MARCHF1: variants seen among roughly 807,000 people sequenced by gnomAD.
The protein encoded by MARCHF1 is membrane associated ring-CH-type finger 1, also known as E3 ubiquitin-protein ligase MARCHF1.
A neutral mutation model predicts 54.2 loss-of-function variants in MARCHF1; 40 were observed. The ratio of observed to expected loss-of-function variants is 0.74; its 90% CI spans 0.57 to 0.96. The LOEUF is 0.96. Among genes scored for constraint, MARCHF1 ranks in the 40% least tolerant of loss-of-function variants. The pLI, the probability that MARCHF1 is intolerant of heterozygous loss-of-function variation, is 0.00. For missense variants in MARCHF1, 586 were observed against 656.5 expected (o/e 0.89, Z 1.17); for synonymous variants, 236 against 236.3 (o/e 1.00, Z 0.01).
At chr4:164,107,611 C>T (rs1280767163) in intron 2 of MARCHF1, among the ~76,000 whole-genome samples, 1 of 152,116 alleles carries the variant, frequency 6.6e-6, no homozygotes, top group Non-Finnish European at 1.5e-5. Flanking sequence ...AATCCACCCA[C>T]TTCTGCCCCT....
At chr4:163,681,125 G>T (rs761992581) in intron 5 of MARCHF1, among the ~76,000 whole-genome samples, 1 of 151,866 alleles carries the variant, frequency 6.6e-6, no homozygotes, top group East Asian at 1.9e-4. Context: ...GAACAGCATC[G>T]GTAAACAGTA....
chr4:164,329,975 C>T (rs1735388567), intron 1 of MARCHF1: 1 of 152,264 alleles, frequency 6.6e-6, no homozygotes, highest in African/African-American at 2.4e-5. Context: ...ACAGGGATGT[C>T]TCATTTTGCT....
At chr4:163,871,278 T>C (rs1560797125) in intron 3 of MARCHF1, among the ~76,000 whole-genome samples, 1 of 152,176 alleles carries the variant, frequency 6.6e-6, no homozygotes, top group African/African-American at 2.4e-5. Context: ...CAATCATATC[T>C]GAAGAGTCAG....
chr4:164,257,560 T>C (rs1367342139), intron 1 of MARCHF1, among the ~76,000 whole-genome samples: 1 of 151,772 alleles, frequency 6.6e-6, no homozygotes, highest in Admixed American at 6.6e-5. Flanking sequence ...TGAAAAACCA[T>C]GGGATAGTGA....
intron 2 of MARCHF1, among the ~76,000 whole-genome samples, chr4:164,013,842 T>C (rs555395543): frequency 6.6e-6 from 1 of 152,194 alleles, no homozygotes; most frequent in East Asian, 1.9e-4. Context: ...GCTGAGGAAT[T>C]TCTCAACACC....
chr4:164,229,835 C>G (rs972361044), intron 1 of MARCHF1, among the ~76,000 whole-genome samples: 1 of 152,130 alleles, frequency 6.6e-6, no homozygotes, highest in Non-Finnish European at 1.5e-5. Context: ...TGAGAACTCA[C>G]TCACTCTTGG....
At chr4:163,684,410 C>G (rs1356019869) in intron 5 of MARCHF1, among the ~76,000 whole-genome samples, 1 of 152,206 alleles carries the variant, frequency 6.6e-6, no homozygotes, top group African/African-American at 2.4e-5. Flanking sequence ...ACAAACAAAA[C>G]TGCTACAGAA....
intron 2 of MARCHF1, among the ~76,000 whole-genome samples, chr4:164,105,908 C>G (rs1244106825): frequency 7.4e-5 from 11 of 147,846 alleles, no homozygotes; most frequent in African/African-American, 2.8e-4. Context: ...TGAACTCAAA[C>G]AAATTTACAA....
At chr4:163,969,059 G>C (rs1312249859) in intron 3 of MARCHF1, among the ~76,000 whole-genome samples, 1 of 152,122 alleles carries the variant, frequency 6.6e-6, no homozygotes, top group Non-Finnish European at 1.5e-5. Context: ...TTTTTCAGCA[G>C]ATACACAGTA....
chr4:163,721,329 G>A (rs1463996623), intron 4 of MARCHF1, among the ~76,000 whole-genome samples: 7 of 152,050 alleles, frequency 4.6e-5, no homozygotes, highest in South Asian at 4.1e-4. Context: ...GCTGGATTAC[G>A]TTTATTGATT....
chr4:164,216,994 A>T (rs1020518493), intron 1 of MARCHF1, among the ~76,000 whole-genome samples: 1 of 152,232 alleles, frequency 6.6e-6, no homozygotes, highest in East Asian at 1.9e-4. Flanking sequence ...ATAGCATGAA[A>T]ACAAATATAG....
intron 1 of MARCHF1, among the ~76,000 whole-genome samples, chr4:164,216,876 T>C (rs940350060): frequency 2.6e-5 from 4 of 152,204 alleles, no homozygotes; most frequent in Admixed American, 2.0e-4. Flanking sequence ...CAATATGTAC[T>C]ATAACCCAAG....
chr4:163,965,354 C>T (rs541063937), intron 3 of MARCHF1, among the ~76,000 whole-genome samples: 1 of 151,002 alleles, frequency 6.6e-6, no homozygotes, highest in South Asian at 2.1e-4. Context: ...TAAATCAATT[C>T]ATTGAATCCT....
chr4:163,939,871 T>C (rs1266633969), intron 3 of MARCHF1, among the ~76,000 whole-genome samples: 1 of 152,184 alleles, frequency 6.6e-6, no homozygotes, highest in Admixed American at 6.5e-5. Flanking sequence ...GACTAGAGAA[T>C]TCAATGCAGA....
intron 1 of MARCHF1, chr4:164,383,533 C>G (rs1731437951): frequency 6.6e-6 from 1 of 152,340 alleles, no homozygotes; most frequent in African/African-American, 2.4e-5. Context: ...GCGCGCCGCG[C>G]ACTGGGGATC....
intron 3 of MARCHF1, among the ~76,000 whole-genome samples, chr4:163,890,613 G>T (rs568041497): frequency 6.6e-6 from 1 of 152,160 alleles, no homozygotes; most frequent in African/African-American, 2.4e-5. Context: ...GTGAATACAG[G>T]TTGACAATCC....
intron 1 of MARCHF1, among the ~76,000 whole-genome samples, chr4:164,142,907 GA>G: frequency 6.6e-6 from 1 of 152,152 alleles, no homozygotes; most frequent in East Asian, 1.9e-4. Context: ...CAAAGGCAAA[GA>G]AATTGAAAAC....
intron 3 of MARCHF1, among the ~76,000 whole-genome samples, chr4:163,948,049 G>A (rs558599466): frequency 2.0e-5 from 3 of 152,002 alleles, no homozygotes; most frequent in Non-Finnish European, 2.9e-5. Context: ...TACATGATTT[G>A]CCTTCTCACC....
At chr4:163,715,662 C>T (rs1241146856) in intron 4 of MARCHF1, among the ~76,000 whole-genome samples, 3 of 151,922 alleles carry the variant, frequency 2.0e-5, no homozygotes, top group African/African-American at 7.3e-5. Context: ...TATGTACATA[C>T]TATGGCAAAA....
Sources: allele counts gnomAD v4.1 joint callset (sites outside exome capture counted in the v4.1 genomes callset), GRCh38; gene constraint gnomAD v4.1.1; transcripts MANE v1.5; gene names NCBI Gene and HGNC (gene_info 2026-07-23, HGNC 2026-07-21).